Variants in CDAN1 observed in about 807,000 individuals in gnomAD.
The protein encoded by CDAN1 is codanin 1.
Under a neutral mutation model 139.8 loss-of-function variants are expected in CDAN1, and 107 were observed. The observed-to-expected ratio is 0.77, with a 90% CI of 0.65 to 0.90. CDAN1 has a LOEUF of 0.90. Ranked by LOEUF, CDAN1 falls within the 40% of genes least tolerant of loss-of-function variation. CDAN1 has a pLI of 0.00. For missense variants in CDAN1, 1,667 were observed against 1,575.7 expected, an observed-to-expected ratio of 1.06 and a Z score of -0.98; for synonymous variants, 776 against 660.6, an observed-to-expected ratio of 1.17 and a Z score of -2.68.
chr15:42,731,305 T>G lies in CDAN1; in HGVS notation c.1766A>C (p.Asp589Ala). The G allele has an allele frequency of 1.2e-6, 2 of 1,614,040 alleles. No individual in the cohort carries two copies. Among genetic ancestry groups the G allele is most frequent in the Non-Finnish European group, 1.7e-6 (2 of 1,180,010 alleles). The change falls in exon 12 of 28, where the codon GAC becomes GCC. Residue 589 changes from aspartate to alanine, a missense_variant. This residue lies in a region of CDAN1 where 936 missense variants were observed against 844.1 expected (regional missense o/e 1.11). Transcript: ENST00000356231. ...SSFQFNQHLM[D>A]SLSLKIQELN... The stretch of plus-strand genomic sequence containing the variant: ...CTCCTGGATCTTCAAGCTCAGACTG[T>G]CCATGAGATGCTGGTTAAACTGGAA...
In CDAN1 at chr15:42,730,608, G is replaced by A. The variant is rs140014115; in HGVS notation, c.2164C>T (p.Arg722Cys). Residue 722 changes from arginine (R) to cysteine (C), a missense_variant, in exon 14 of 28, where the codon CGC becomes TGC. Transcript: ENST00000356231. ...YYRDIFTLLL[R>C]LHRSLVLSQE... The stretch of plus-strand genomic sequence containing the variant: ...CCTTGTTCCACTCACCGGTGCAGGC[G>A]CAGCAGGAGAGTGAAGATGTCCCGG... 1.9e-3 allele frequency: 3,065 copies of A among 1,614,124 alleles called. 6 individuals carry two copies. Among genetic ancestry groups the A allele is most frequent in the Non-Finnish European group, 2.4e-3 (2,780 of 1,179,986 alleles).
At chr15:42,730,488 G>A (rs2061594807) in intron 14 of CDAN1, 110 bp downstream of exon 14, 1 of 1,306,808 alleles carries the variant, frequency 7.7e-7, no homozygotes, top group Non-Finnish European at 1.1e-6. Flanking sequence ...GTTATGGCCA[G>A]GGCCCCACAC....
chr15:42,727,739 ACTG>A lies in CDAN1; in HGVS notation c.2975_2977del (p.Ala992del), dbSNP rs1566980596. 6.3e-7 allele frequency: 1 copy of A among 1,590,406 alleles called. No individual in the cohort carries two copies. The highest frequency in any genetic ancestry group is 8.6e-7 in the Non-Finnish European group (1 of 1,165,178). On this transcript the variant is annotated inframe_deletion, in exon 23 of 28. Transcript: ENST00000356231. ...ACCCTGGGCTCGAAGTGTGCGACTCACTGCTGCTTTCACCTCCCTCCTGATCAG... is the reference window on the plus strand; with the variant it reads ...ACCCTGGGCTCGAAGTGTGCGACTCACTGCTTTCACCTCCCTCCTGATCAG...
chr15:42,726,563 TG>T, intron 23 of CDAN1, 146 bp from the exon 24 acceptor site: 4 of 656,432 alleles, frequency 6.1e-6, no homozygotes, highest in Non-Finnish European at 5.5e-6. Flanking sequence ...CCCCTAGACC[TG>T]GGACTTGGGC....
intron 10 of CDAN1, 29 bp from the exon 11 acceptor site, chr15:42,731,854 A>T (rs748743212): frequency 7.8e-5 from 125 of 1,608,954 alleles, no homozygotes; most frequent in East Asian, 1.8e-4. Context: ...GAGAGAAATT[A>T]AAAAAATCAG....
At chr15:42,728,138 C>CA in intron 21 of CDAN1, 66 bp downstream of exon 21, 3 of 1,597,148 alleles carry the variant, frequency 1.9e-6, no homozygotes, top group Non-Finnish European at 2.6e-6. Flanking sequence ...CCCGCAGCCT[C>CA]AGACTACTCC....
At chr15:42,734,406 G>GCACCTGCA in intron 6 of CDAN1, 60 bp from the exon 7 acceptor site, 2 of 1,606,182 alleles carry the variant, frequency 1.2e-6, no homozygotes, top group South Asian at 2.2e-5. Context: ...TAGGAAGCAA[G>GCACCTGCA]CACCTGCACA....
intron 26 of CDAN1, 28 bp downstream of exon 26, chr15:42,725,461 A>G (rs2061512504): frequency 6.2e-7 from 1 of 1,613,778 alleles, no homozygotes; most frequent in African/African-American, 1.3e-5. Flanking sequence ...GTGTGACTGC[A>G]GAGGGCTTCT....
At chr15:42,729,944 C>T in intron 15 of CDAN1, 59 bp from the exon 16 acceptor site, 1 of 1,337,580 alleles carries the variant, frequency 7.5e-7, no homozygotes, top group Admixed American at 1.9e-5. Flanking sequence ...CCCACCCCAC[C>T]TCCTGCACGG....
At position 42,725,682 on chromosome 15, in the gene CDAN1, G is replaced by T; in HGVS notation, c.3269-12C>A. The T allele has an allele frequency of 6.2e-7, 1 of 1,613,862 alleles. No individual in the cohort carries two copies. Among genetic ancestry groups the T allele is most frequent in the Non-Finnish European group, 8.5e-7 (1 of 1,179,914 alleles). ...AATTTGATCTGCAACTGTGGAAAGA[G>T]GAAAGCCAAGCTTTAAAAGATGGGG... On this transcript the variant is annotated splice_polypyrimidine_tract_variant and intron_variant, in intron 25 of 27. Coordinates refer to ENST00000356231, the MANE Select transcript of CDAN1 (RefSeq NM_138477.4).
Position 42,729,761 on chromosome 15 carries a change from G to A in CDAN1, c.2352+35C>T, listed in dbSNP as rs773734531. ...GGCAGCCCACTTCCTTTATTCCTGA[G>A]TTTCCCATGGCTCTGGCGGAACCCC... On this transcript the variant is annotated intron_variant, in intron 16 of 27. Coordinates refer to ENST00000356231, the MANE Select transcript of CDAN1 (RefSeq NM_138477.4). 1.0e-5 allele frequency: 16 copies of A among 1,603,886 alleles called. No homozygotes were observed. The Admixed American group carries it at 1.0e-4, about 10-fold the overall frequency.
At position 42,731,252 on chromosome 15, in the gene CDAN1, C is replaced by T. The variant is rs751054309; in HGVS notation, c.1819G>A (p.Glu607Lys). Residue 607 changes from glutamate to lysine, a missense_variant, in exon 12 of 28, where the codon GAG (glutamate) becomes AAG (lysine). Coordinates refer to ENST00000356231, the MANE Select transcript of CDAN1 (RefSeq NM_138477.4). The part of the protein sequence containing the change: ...ELNGLALPQH[E>K]PNDEDGESDV... ...GACTCCCCGTCTTCATCATTGGGCT[C>T]ATGCTGGGGCAGGGCAAGACCATTG... The T allele has an allele frequency of 3.1e-6, 5 of 1,614,204 alleles. No individual in the cohort carries two copies. The Admixed American group carries it at 5.0e-5, about 16-fold the overall frequency.
Position 42,728,790 on chromosome 15 carries a change from A to C in CDAN1, c.2666T>G (p.Leu889Arg), listed in dbSNP as rs1208573173. 1 of 1,614,218 alleles carries C rather than the reference A, an allele frequency of 6.2e-7. No homozygotes were observed. Among genetic ancestry groups the C allele is most frequent in the East Asian group, 2.2e-5 (1 of 44,874 alleles). The part of the protein sequence containing the change: ...KHIKATLVAD[L>R]VRQAESLLQE... Reference sequence around the variant, plus strand: ...GAGAAGTGACTCTGCCTGGCGCACCAGATCTGCCACCAGTGTAGCCCTGCA... The same window carrying C: ...GAGAAGTGACTCTGCCTGGCGCACCCGATCTGCCACCAGTGTAGCCCTGCA... Residue 889 changes from leucine (L) to arginine (R), a missense_variant, in exon 20 of 28, where the codon CTG becomes CGG. This residue lies in a region of CDAN1 where 936 missense variants were observed against 844.1 expected (regional missense o/e 1.11). Coordinates refer to ENST00000356231, the MANE Select transcript of CDAN1 (RefSeq NM_138477.4).
intron 20 of CDAN1, 150 bp downstream of exon 20, chr15:42,728,502 G>A (rs2061562342): frequency 5.8e-6 from 7 of 1,201,222 alleles, no homozygotes; most frequent in Non-Finnish European, 8.5e-6. Context: ...AAGGCCTACA[G>A]CCAGTGCAGG....
chr15:42,735,637 G>T lies in CDAN1; in HGVS notation c.816C>A (p.Thr272=), dbSNP rs76599133. 28,263 of 1,614,048 alleles carry T rather than the reference G, an allele frequency of 0.018. 1,784 individuals carry two copies. The African/African-American group carries it at 0.19, about 11-fold the overall frequency. Residue 272 remains threonine, a synonymous_variant, in exon 4 of 28, where the codon ACC becomes ACA. Transcript: ENST00000356231. ...LQQSPTPTCP[T]PELGSPLPSR... is the part of the protein sequence containing the mutation. ...TGGGGAGGGGCGACCCCAATTCTGGGGTGGGACAGGTGGGGGTAGGTGACT... is the reference window on the plus strand; with the variant it reads ...TGGGGAGGGGCGACCCCAATTCTGGTGTGGGACAGGTGGGGGTAGGTGACT...
intron 27 of CDAN1, 70 bp from the exon 28 acceptor site, chr15:42,724,686 A>G (rs2061499537): frequency 6.0e-6 from 9 of 1,508,916 alleles, no homozygotes; most frequent in African/African-American, 1.7e-5. Flanking sequence ...CTTTGTCACT[A>G]AAGACCACAA....
intron 10 of CDAN1, 116 bp from the exon 11 acceptor site, chr15:42,731,941 C>T (rs2061618387): frequency 2.2e-6 from 2 of 923,508 alleles, no homozygotes. Context: ...GTGTCAAGTG[C>T]TTTAGATAGA....
At chr15:42,727,074 G>C (rs375083491) in intron 23 of CDAN1, 2 of 155,090 alleles carry the variant, frequency 1.3e-5, no homozygotes, top group Non-Finnish European at 2.9e-5. Flanking sequence ...TAGGCAGCTC[G>C]TACACAAATT....
In CDAN1 at chr15:42,724,234, TAAAC is replaced by T. The variant is rs767935615; in HGVS notation, c.*253_*256del. The T allele has an allele frequency of 2.9e-4, 141 of 490,246 alleles. 2 individuals are homozygous for T. The East Asian group carries it at 2.9e-3, about 10-fold the overall frequency. 30.4% of individuals were successfully genotyped at this position (490,246 alleles called of 1,614,324 possible). A position where few individuals can be genotyped will look rare whatever the true frequency, so the allele number is the denominator to read the frequency against. On this transcript the variant is annotated 3_prime_UTR_variant, in exon 28 of 28. Coordinates refer to ENST00000356231, the MANE Select transcript of CDAN1 (RefSeq NM_138477.4). ...CTCATTTCATTTAGTATCCAAGAGA[TAAAC>T]AAACACCACCTCTTCTACTCCAGGA... is the stretch of plus-strand genomic sequence containing the variant.
Sources: allele counts gnomAD v4.1 joint callset, GRCh38; gene constraint gnomAD v4.1.1; regional missense constraint gnomAD v4.1.1; transcripts MANE v1.5; gene names NCBI Gene and HGNC (gene_info 2026-07-23, HGNC 2026-07-21).